The following MX1 variants were observed in gnomAD, a reference collection of about 807,000 sequenced individuals.
The protein encoded by MX1 is MX dynamin like GTPase 1.
Under a neutral mutation model 66.4 loss-of-function variants are expected in MX1, and 66 were observed. The observed-to-expected ratio is 0.99, with a 90% CI of 0.82 to 1.22. MX1 has a LOEUF of 1.22. Among genes scored for constraint, MX1 ranks in the 50% most tolerant of loss-of-function variants. The pLI, the probability that MX1 is intolerant of heterozygous loss-of-function variation, is 0.00. For missense variants in MX1, 787 were observed against 834.3 expected, an observed-to-expected ratio of 0.94 and a Z score of 0.70; for synonymous variants, 311 against 318.1, an observed-to-expected ratio of 0.98 and a Z score of 0.24.
rs1383042797 is a variant in MX1 at position 41,441,874 on chromosome 21, C to A, written c.889C>A (p.Gln297Lys). The change falls in exon 10 of 17, where the codon CAG (glutamine) becomes AAG (lysine). Residue 297 changes from glutamine (Q) to lysine (K), a missense_variant. Coordinates refer to ENST00000398598, the MANE Select transcript of MX1 (RefSeq NM_002462.5). The surrounding 1 kb of genome is among the most constrained non-coding windows in gnomAD (Gnocchi z 4.0). ...QDQLSLSEAL[Q>K]REKIFFENHP... ...CCAGCTGAGCCTGTCCGAAGCCCTG[C>A]AGAGAGAGAAGATCTTCTTTGAGAA... The A allele has an allele frequency of 1.2e-6, 2 of 1,614,138 alleles. No homozygotes were observed. Among genetic ancestry groups the A allele is most frequent in the South Asian group, 1.1e-5 (1 of 91,082 alleles).
chr21:41,451,217 T>C lies in MX1; in HGVS notation c.1483T>C (p.Phe495Leu), dbSNP rs1348692115. 6.2e-7 allele frequency: 1 copy of C among 1,611,724 alleles called. No homozygotes were observed. The highest frequency in any genetic ancestry group is 1.1e-5 in the South Asian group (1 of 90,962). ...TDVSIKNFEEFFNLHRTAKSK... is the reference protein window; with the variant it reads ...TDVSIKNFEELFNLHRTAKSK... ...TGTTTCGATAAAAAATTTTGAAGAGTTTTTTAACCTCCACAGAACCGCCAA... is the reference window on the plus strand; with the variant it reads ...TGTTTCGATAAAAAATTTTGAAGAGCTTTTTAACCTCCACAGAACCGCCAA... Residue 495 changes from phenylalanine to leucine, a missense_variant, in exon 15 of 17, where the codon TTT becomes CTT. Coordinates refer to ENST00000398598, the MANE Select transcript of MX1 (RefSeq NM_002462.5).
chr21:41,450,834 T>C (rs887770747), intron 14 of MX1: 10 of 152,716 alleles, frequency 6.5e-5, no homozygotes, highest in African/African-American at 2.4e-4. Flanking sequence ...TCAAATTCCA[T>C]TGATATATTT....
chr21:41,446,213 G>A (rs1274500689), intron 13 of MX1, 72 bp downstream of exon 13: 1 of 1,321,634 alleles, frequency 7.6e-7, no homozygotes, highest in Non-Finnish European at 1.1e-6. Context: ...ATAAACAGTA[G>A]AAACTTATTG....
chr21:41,454,329 A>T (rs1249504862), intron 16 of MX1, among the ~76,000 whole-genome samples: 2 of 152,172 alleles, frequency 1.3e-5, no homozygotes, highest in Non-Finnish European at 2.9e-5. Context: ...TGTGTGACTT[A>T]ACCCCTGCCT....
At chr21:41,449,965 C>T (rs970372743) in intron 14 of MX1, among the ~76,000 whole-genome samples, 1 of 152,172 alleles carries the variant, frequency 6.6e-6, no homozygotes. Context: ...AATCCTGAAG[C>T]TATGTAGGGG....
At chr21:41,451,856 C>CA (rs1377164370) in intron 15 of MX1, among the ~76,000 whole-genome samples, 1 of 75,652 alleles carries the variant, frequency 1.3e-5, no homozygotes, top group Non-Finnish European at 2.6e-5. Flanking sequence ...AAAAAACAAA[C>CA]AAAAAAACTT....
chr21:41,443,895 TA>T (rs768805258), intron 11 of MX1, 29 bp downstream of exon 11: 13 of 1,603,902 alleles, frequency 8.1e-6, no homozygotes, highest in Non-Finnish European at 1.1e-5. Context: ...GTGGGTTCTC[TA>T]AAAAGAATAC....
chr21:41,458,146 C>G (rs1005353924), intron 16 of MX1, among the ~76,000 whole-genome samples: 2 of 152,182 alleles, frequency 1.3e-5, no homozygotes, highest in Non-Finnish European at 2.9e-5. Flanking sequence ...TGCCGCCACA[C>G]CTGGCTATTT....
chr21:41,443,500 T>A lies in MX1; in HGVS notation c.930-288T>A, dbSNP rs1035894147. ...TGTTATAAAAACATATCTATACATG[T>A]CTGTGTATTTTTGTGATGACCAAGT... is the stretch of plus-strand genomic sequence containing the variant. On this transcript the variant is annotated intron_variant, in intron 10 of 16. Transcript: ENST00000398598. 11 of 445,406 alleles carry A rather than the reference T, an allele frequency of 2.5e-5. No individual in the cohort carries two copies. In the Admixed American group the frequency reaches 3.4e-4, roughly 14 times the overall value. 27.6% of individuals were successfully genotyped at this position (445,406 alleles called of 1,614,324 possible).
At chr21:41,456,066 A>G (rs768619095) in intron 16 of MX1, among the ~76,000 whole-genome samples, 14 of 152,122 alleles carry the variant, frequency 9.2e-5, no homozygotes, top group Non-Finnish European at 1.8e-4. Flanking sequence ...ACATGGCGAA[A>G]CCCGGTCTCT....
intron 14 of MX1, among the ~76,000 whole-genome samples, chr21:41,450,494 C>A (rs1489316613): frequency 1.3e-5 from 2 of 152,098 alleles, no homozygotes; most frequent in African/African-American, 4.8e-5. Context: ...TAAAATTGAC[C>A]TTTTAGCCCT....
At chr21:41,429,372 C>T (rs763796882) in intron 3 of MX1, 3 of 152,136 alleles carry the variant, frequency 2.0e-5, no homozygotes, top group Non-Finnish European at 4.4e-5. Flanking sequence ...ATCTACTCAC[C>T]AAGTCCTGTT....
rs367703329 is a variant in MX1 at position 41,441,919 on chromosome 21, G to A, written c.929+5G>A. ...TGAGAACCACCCATATTTCAGGTGCGCTTGCCTGGGTTTCATCATGGATCA... is the reference window on the plus strand; with the variant it reads ...TGAGAACCACCCATATTTCAGGTGCACTTGCCTGGGTTTCATCATGGATCA... On this transcript the variant is annotated splice_donor_5th_base_variant and intron_variant, in intron 10 of 16. Transcript: ENST00000398598. This position sits in a 1 kb window ranked among gnomAD's most constrained non-coding sequence, Gnocchi z 4.0. 5.1e-5 allele frequency: 83 copies of A among 1,613,898 alleles called. No homozygotes were observed. The highest frequency in any genetic ancestry group is 1.6e-4 in the Middle Eastern group (1 of 6,084).
intron 13 of MX1, among the ~76,000 whole-genome samples, chr21:41,447,710 C>T (rs997899468): frequency 9.2e-5 from 14 of 152,056 alleles, no homozygotes; most frequent in African/African-American, 2.9e-4. Flanking sequence ...TGTGAATATA[C>T]TAAAATTCAC....
intron 5 of MX1, among the ~76,000 whole-genome samples, 179 bp from the exon 6 acceptor site, chr21:41,435,658 G>A (rs1369694033): frequency 6.6e-6 from 1 of 152,126 alleles, no homozygotes; most frequent in Non-Finnish European, 1.5e-5. Context: ...ACTATCATGA[G>A]AACAGCATGG....
chr21:41,430,640 T>G (rs192055592), intron 4 of MX1, 32 bp downstream of exon 4: 1 of 152,346 alleles, frequency 6.6e-6, no homozygotes, highest in Admixed American at 6.5e-5. Context: ...TCTGTAACAT[T>G]TATTTTGAGT....
rs749100921 is a variant in MX1 at position 41,432,054 on chromosome 21, C to T, written c.-17C>T. 1.3e-5 allele frequency: 21 copies of T among 1,613,358 alleles called. No homozygotes were observed. Among genetic ancestry groups the T allele is most frequent in the Non-Finnish European group, 1.7e-5 (20 of 1,179,730 alleles). ...AGGCATCTGCTTTATTTTAAGCTTA[C>T]TTTGCAAAGAAGGAAGATGGTTGTT... On this transcript the variant is annotated 5_prime_UTR_variant, in exon 5 of 17. Transcript: ENST00000398598.
chr21:41,436,412 T>A (rs2146163900), intron 6 of MX1, among the ~76,000 whole-genome samples: 1 of 152,378 alleles, frequency 6.6e-6, no homozygotes, highest in East Asian at 1.9e-4. Flanking sequence ...CACCATTTCA[T>A]AACGCTATCT....
intron 6 of MX1, 48 bp downstream of exon 6, chr21:41,436,077 A>C: frequency 1.9e-6 from 3 of 1,593,958 alleles, no homozygotes; most frequent in Non-Finnish European, 2.6e-6. Context: ...CCATAACAAA[A>C]TACCACAGAC....
Sources: gnomAD v4.1 joint callset for allele counts (sites outside exome capture counted in the v4.1 genomes callset) on GRCh38, gnomAD v4.1.1 for gene constraint, Gnocchi (gnomAD v3.1) non-coding constraint, MANE v1.5 for transcripts, NCBI Gene and HGNC (gene_info 2026-07-23, HGNC 2026-07-21) for gene names.